STS: variants seen among roughly 807,000 people sequenced by gnomAD.
STS encodes the protein steroid sulfatase, also known as steryl-sulfatase.
STS carries 7 observed loss-of-function variants against 26.8 expected under a neutral mutation model. The ratio of observed to expected loss-of-function variants is 0.26; its 90% confidence interval spans 0.15 to 0.49. The LOEUF is 0.49. Among genes scored for constraint, STS ranks in the 20% least tolerant of loss-of-function variants. The pLI is 0.98. For missense variants in STS, 434 were observed against 465.6 expected (o/e 0.93, Z 0.63); for synonymous variants, 199 against 189.4 (o/e 1.05, Z -0.42).
intron 7 of STS, among the ~76,000 whole-genome samples, chrX:7,290,221 A>G (rs1374179557): frequency 3.6e-5 from 4 of 111,320 alleles, no homozygotes; most frequent in South Asian, 3.8e-4. Flanking sequence ...TCAAAAACCA[A>G]AAGGCCCTTA....
intron 1 of STS, among the ~76,000 whole-genome samples, chrX:7,190,296 C>T (rs1030823650): frequency 1.8e-4 from 20 of 109,757 alleles, no homozygotes; most frequent in African/African-American, 5.3e-4. Flanking sequence ...ATTTGCAGTT[C>T]ACAATAGGTT....
At chrX:7,236,711 C>CT (rs1230369731) in intron 2 of STS, among the ~76,000 whole-genome samples, 1 of 111,584 alleles carries the variant, frequency 9.0e-6, no homozygotes. Flanking sequence ...TTGACTAGTC[C>CT]TTTTTTCCTG....
intron 1 of STS, among the ~76,000 whole-genome samples, chrX:7,169,894 G>T (rs770292801): frequency 5.6e-5 from 6 of 107,466 alleles, no homozygotes; most frequent in Non-Finnish European, 1.2e-4. Context: ...GTTTGTTGGT[G>T]GGGGGGGCTG....
intron 7 of STS, among the ~76,000 whole-genome samples, chrX:7,276,935 G>C (rs1198518810): frequency 1.8e-5 from 2 of 111,987 alleles, no homozygotes; most frequent in Non-Finnish European, 3.8e-5. Flanking sequence ...TCATCCCTAT[G>C]CTTTTATTTT....
At chrX:7,325,072 T>C (rs951005845) in intron 8 of STS, among the ~76,000 whole-genome samples, 1 of 111,960 alleles carries the variant, frequency 8.9e-6, no homozygotes, top group Admixed American at 9.5e-5. Context: ...GACTCAAATC[T>C]TTGTTGCGTT....
intron 10 of STS, among the ~76,000 whole-genome samples, chrX:7,344,131 T>C (rs1331692436): frequency 8.9e-6 from 1 of 112,141 alleles, no homozygotes; most frequent in Non-Finnish European, 1.9e-5. Context: ...GGTTCATGTG[T>C]AGGGAGTGGC....
chrX:7,328,195 G>A (rs757299000), intron 9 of STS, among the ~76,000 whole-genome samples: 7 of 111,564 alleles, frequency 6.3e-5, no homozygotes, highest in Non-Finnish European at 1.3e-4. Context: ...CATTTATTAC[G>A]TTTGTCTCTC....
intron 1 of STS, among the ~76,000 whole-genome samples, chrX:7,163,006 G>A (rs1437321187): frequency 3.9e-5 from 4 of 101,405 alleles, no homozygotes; most frequent in African/African-American, 1.5e-4. Flanking sequence ...GCAGTGAGCC[G>A]AGATCACACC....
chrX:7,294,365 A>G (rs1439464519), intron 7 of STS, among the ~76,000 whole-genome samples: 1 of 111,037 alleles, frequency 9.0e-6, no homozygotes, highest in African/African-American at 3.3e-5. Context: ...GAATCAAGTT[A>G]TCAATTATCA....
At chrX:7,214,237 T>G (rs750871146) in intron 2 of STS, among the ~76,000 whole-genome samples, 2 of 112,678 alleles carry the variant, frequency 1.8e-5, no homozygotes, top group East Asian at 5.6e-4. Flanking sequence ...AGTCACATTA[T>G]TTTTTGACTG....
chrX:7,243,252 G>A (rs1338347732), intron 2 of STS, among the ~76,000 whole-genome samples: 3 of 111,738 alleles, frequency 2.7e-5, no homozygotes, highest in Non-Finnish European at 5.6e-5. Context: ...TTGTAGAGAT[G>A]GGATCTTGCT....
rs927768103 is a variant in STS at position 7,347,228 on chromosome X, A to G, written c.1364-2660A>G. 9.8e-5 allele frequency among the ~76,000 whole-genome samples: 11 copies of G among 111,752 alleles called. No homozygotes were observed. In the East Asian group the frequency reaches 3.1e-3, roughly 31 times the overall value. ...CTGGTGAATAATAGAACAAGCTTCC[A>G]AAGTCGGGGTTGTTACCTTGTGAGC... On this transcript the variant is annotated intron_variant, in intron 10 of 10. Coordinates refer to ENST00000674429, the MANE Select transcript of STS (RefSeq NM_001320752.2).
intron 1 of STS, among the ~76,000 whole-genome samples, chrX:7,161,463 C>G (rs1427677791): frequency 8.9e-6 from 1 of 111,812 alleles, no homozygotes; most frequent in Non-Finnish European, 1.9e-5. Flanking sequence ...CATCCAAAAA[C>G]AATTTAACTT....
rs1302222537 is a variant in STS, at chrX:7,260,755, T to C, written c.806+983T>C. ...AATGTGGCCATCAAGAGAGGCAAGA[T>C]AATGGCTTATGTTTAGTTTATAGGT... On this transcript the variant is annotated intron_variant, in intron 6 of 10. Transcript: ENST00000674429. Among the ~76,000 whole-genome samples the C allele has an allele frequency of 3.6e-5, 4 of 111,944 alleles. No homozygotes were observed. The East Asian group carries it at 1.1e-3, about 31-fold the overall frequency.
Position 7,305,198 on chromosome X carries a change from G to C in STS, c.1081+15G>C, listed in dbSNP as rs1237211697. The stretch of plus-strand genomic sequence containing the variant: ...GATCTATAAAGGTGAGAAATGCTGG[G>C]ATGGAGAAGCTCTGGCCTCTCAGCT... On this transcript the variant is annotated intron_variant, in intron 8 of 10. Transcript: ENST00000674429. 1 of 1,207,493 alleles carries C rather than the reference G, an allele frequency of 8.3e-7. No individual in the cohort carries two copies. The highest frequency in any genetic ancestry group is 3.0e-5 in the East Asian group (1 of 33,607).
chrX:7,280,646 G>T (rs1473750918), intron 7 of STS, among the ~76,000 whole-genome samples: 1 of 111,795 alleles, frequency 8.9e-6, no homozygotes, highest in Non-Finnish European at 1.9e-5. Context: ...TGGAAGGATG[G>T]ATGTAGTTCT....
intron 2 of STS, among the ~76,000 whole-genome samples, chrX:7,204,937 G>A (rs1304633605): frequency 9.3e-6 from 1 of 107,998 alleles, no homozygotes; most frequent in African/African-American, 3.4e-5. Flanking sequence ...AGTTACTTAT[G>A]ATATCCTTCT....
At chrX:7,257,433 T>C in intron 4 of STS, 33 bp from the exon 5 acceptor site, 1 of 1,212,296 alleles carries the variant, frequency 8.2e-7, no homozygotes, top group Non-Finnish European at 1.1e-6. Flanking sequence ...AGGTATCTCC[T>C]GGTTCCTAAG....
At chrX:7,204,305 A>C (rs748504287) in intron 2 of STS, among the ~76,000 whole-genome samples, 22 of 112,059 alleles carry the variant, frequency 2.0e-4, no homozygotes, top group Non-Finnish European at 7.5e-5. Flanking sequence ...CAGTAGGTTA[A>C]AAATAGCATT....
Sources: allele counts gnomAD v4.1 joint callset (sites outside exome capture counted in the v4.1 genomes callset), GRCh38; gene constraint gnomAD v4.1.1; transcripts MANE v1.5; gene names NCBI Gene and HGNC (gene_info 2026-07-23, HGNC 2026-07-21).